Variants in CPB2 observed in about 807,000 individuals in gnomAD.
The protein encoded by CPB2 is carboxypeptidase B-like protein.
Under a neutral mutation model 57.0 loss-of-function variants are expected in CPB2, and 54 were observed. That is an observed-to-expected ratio of 0.95 (90% CI 0.76 to 1.19). The LOEUF (loss-of-function observed/expected upper bound fraction) is 1.19. Among genes scored for constraint, CPB2 ranks in the 50% most tolerant of loss-of-function variants. The pLI, the probability that CPB2 is intolerant of heterozygous loss-of-function variation, is 0.00. For synonymous variants in CPB2, 189 were observed against 178.1 expected (o/e 1.06, Z -0.49); for missense variants, 426 against 512.0 (o/e 0.83, Z 1.62).
At chr13:46,063,270 T>C (rs1242714239) in intron 8 of CPB2, among the ~76,000 whole-genome samples, 1 of 152,222 alleles carries the variant, frequency 6.6e-6, no homozygotes, top group Non-Finnish European at 1.5e-5. Context: ...ATCACCCAAA[T>C]GGTGAACACA....
At chr13:46,082,420 A>C (rs2045132256) in intron 4 of CPB2, 21 bp downstream of exon 4, 1 of 1,373,056 alleles carries the variant, frequency 7.3e-7, no homozygotes, top group Non-Finnish European at 1.0e-6. Context: ...AGTAGCTTTG[A>C]AGAGCTGTGT....
At position 46,104,862 on chromosome 13, in the gene CPB2, C is replaced by T. The variant is rs370347305; in HGVS notation, c.74+74G>A. On this transcript the variant is annotated intron_variant, in intron 1 of 10. Transcript: ENST00000181383. ...TACCATTTTGTCCACCAGCTCAGTGCACTGACTTGACACGACATGAGGCAA... is the reference window on the plus strand; with the variant it reads ...TACCATTTTGTCCACCAGCTCAGTGTACTGACTTGACACGACATGAGGCAA... 340 of 1,568,096 alleles carry T rather than the reference C, an allele frequency of 2.2e-4. 3 individuals are homozygous for T. The South Asian group carries it at 3.6e-3, about 17-fold the overall frequency.
intron 6 of CPB2, among the ~76,000 whole-genome samples, chr13:46,069,139 T>C (rs2044899769): frequency 6.6e-6 from 1 of 152,192 alleles, no homozygotes. Flanking sequence ...TACAAAAAGT[T>C]ATGCTCTGAG....
chr13:46,062,920 T>C (rs2044796196), intron 8 of CPB2, among the ~76,000 whole-genome samples: 2 of 152,196 alleles, frequency 1.3e-5, no homozygotes, highest in African/African-American at 2.4e-5. Context: ...TTTACCTTTT[T>C]TAAAGGAAAT....
chr13:46,087,703 A>G (rs766608934), intron 2 of CPB2, 42 bp downstream of exon 2: 6 of 1,390,646 alleles, frequency 4.3e-6, no homozygotes, highest in Non-Finnish European at 6.1e-6. Flanking sequence ...CAGTGCTTAT[A>G]CAAAGTGAAA....
intron 8 of CPB2, among the ~76,000 whole-genome samples, chr13:46,061,736 A>G (rs1311966635): frequency 6.6e-6 from 1 of 152,212 alleles, no homozygotes; most frequent in Non-Finnish European, 1.5e-5. Context: ...CAGCCTGAGA[A>G]GACAAAGACA....
At position 46,074,424 on chromosome 13, in the gene CPB2, AT is replaced by A. The variant is rs58622539; in HGVS notation, c.487-448del. Among the ~76,000 whole-genome samples, 484 of 150,360 alleles carry A rather than the reference AT, an allele frequency of 3.2e-3. 2 individuals carry two copies. The highest frequency in any genetic ancestry group is 8.1e-3 in the Admixed American group (122 of 15,092). ...TCCCTCAAGATTTTCCTGAGTGCAT[AT>A]TTTTTTTTTATGTGGATTATTTCTT... On this transcript the variant is annotated intron_variant, in intron 5 of 10. Coordinates refer to ENST00000181383, the MANE Select transcript of CPB2 (RefSeq NM_001872.5).
chr13:46,097,643 T>C (rs1290840712), intron 1 of CPB2, among the ~76,000 whole-genome samples: 2 of 152,188 alleles, frequency 1.3e-5, no homozygotes, highest in African/African-American at 4.8e-5. Flanking sequence ...GCTGCTATCC[T>C]GTTACTGAAA....
At chr13:46,104,816 A>G in intron 1 of CPB2, 120 bp downstream of exon 1, 1 of 1,150,460 alleles carries the variant, frequency 8.7e-7, no homozygotes, top group Non-Finnish European at 1.2e-6. Context: ...GAAAGTTCTG[A>G]AAGACCTGGC....
intron 1 of CPB2, among the ~76,000 whole-genome samples, chr13:46,091,645 G>C (rs142517550): frequency 1.5e-4 from 23 of 152,282 alleles, no homozygotes; most frequent in African/African-American, 4.8e-4. Flanking sequence ...TCAATAGATT[G>C]TTTAAAAAGC....
At chr13:46,087,900 G>T in intron 1 of CPB2, 80 bp from the exon 2 acceptor site, 1 of 930,860 alleles carries the variant, frequency 1.1e-6, no homozygotes, top group South Asian at 1.5e-5. Flanking sequence ...GGAGCTTTTA[G>T]GTAATTGCAA....
At chr13:46,060,832 A>C (rs1331311694) in intron 8 of CPB2, among the ~76,000 whole-genome samples, 1 of 152,158 alleles carries the variant, frequency 6.6e-6, no homozygotes, top group African/African-American at 2.4e-5. Context: ...TTAAGCAGTC[A>C]TGTTAATTTG....
chr13:46,104,826 C>T lies in CPB2; in HGVS notation c.74+110G>A, dbSNP rs11574981. The stretch of plus-strand genomic sequence containing the variant: ...ACTTGGAAAGTTCTGAAAGACCTGG[C>T]CTTCAAAGTTTACCATTTTGTCCAC... On this transcript the variant is annotated intron_variant, in intron 1 of 10. Coordinates refer to ENST00000181383, the MANE Select transcript of CPB2 (RefSeq NM_001872.5). 5,249 of 1,257,128 alleles carry T rather than the reference C, an allele frequency of 4.2e-3. 137 individuals carry two copies. The African/African-American group carries it at 0.066, about 16-fold the overall frequency. 77.9% of individuals were successfully genotyped at this position (1,257,128 alleles called of 1,614,324 possible).
intron 1 of CPB2, chr13:46,100,558 TC>T (rs1225282807): frequency 6.6e-6 from 1 of 152,122 alleles, no homozygotes; most frequent in East Asian, 1.9e-4. Flanking sequence ...CGGGGTGCAC[TC>T]CCCTTACCTC....
rs137916757 is a variant in CPB2 at position 46,072,756 on chromosome 13, C to A, written c.591+1117G>T. 5.5e-3 allele frequency among the ~76,000 whole-genome samples: 830 copies of A among 152,228 alleles called. 10 individuals are homozygous for A. Among genetic ancestry groups the A allele is most frequent in the African/African-American group, 0.018 (761 of 41,530 alleles). On this transcript the variant is annotated intron_variant, in intron 6 of 10. Transcript: ENST00000181383. ...ATGGAGGTTTCTTCTTGGCCCTTCT[C>A]ATGTTCAGTGATAGAATGGAAAATA...
At chr13:46,076,120 A>G (rs1186680994) in intron 5 of CPB2, among the ~76,000 whole-genome samples, 2 of 152,196 alleles carry the variant, frequency 1.3e-5, no homozygotes, top group African/African-American at 4.8e-5. Context: ...CTTTAGTTTC[A>G]AAAGCTGTAC....
chr13:46,076,551 G>A (rs1581846), intron 5 of CPB2, among the ~76,000 whole-genome samples: 109,779 of 151,876 alleles, frequency 0.72, 39,916 homozygotes, highest in East Asian at 0.82. Context: ...TAAAATGTCC[G>A]TACTACCGAA....
rs533847572 is a variant in CPB2 at position 46,078,780 on chromosome 13, C to G, written c.486+20G>C. The G allele has an allele frequency of 1.9e-5, 28 of 1,498,038 alleles. No individual in the cohort carries two copies. Among genetic ancestry groups the G allele is most frequent in the Non-Finnish European group, 2.5e-5 (27 of 1,076,100 alleles). The allele number at this position is 1,498,038 out of a possible 1,614,324, so 92.8% of individuals were successfully genotyped here. A position where few individuals can be genotyped will look rare whatever the true frequency, so the allele number is the denominator to read the frequency against. ...CCCTCCCCTCACAGTGAAAGATCAACAACTTTCCCCACAACATACCTTTAA... is the reference window on the plus strand; with the variant it reads ...CCCTCCCCTCACAGTGAAAGATCAAGAACTTTCCCCACAACATACCTTTAA... On this transcript the variant is annotated intron_variant, in intron 5 of 10. Coordinates refer to ENST00000181383, the MANE Select transcript of CPB2 (RefSeq NM_001872.5).
chr13:46,054,243 G>A (rs1057233970), intron 10 of CPB2, among the ~76,000 whole-genome samples: 1 of 152,036 alleles, frequency 6.6e-6, no homozygotes, highest in African/African-American at 2.4e-5. Flanking sequence ...CATATTTATT[G>A]GCTATCTTTA....
Sources: allele counts gnomAD v4.1 joint callset (sites outside exome capture counted in the v4.1 genomes callset), GRCh38; gene constraint gnomAD v4.1.1; transcripts MANE v1.5; gene names NCBI Gene and HGNC (gene_info 2026-07-23, HGNC 2026-07-21).